RBFOX1: variants seen among roughly 807,000 people sequenced by gnomAD.
RBFOX1 encodes the protein RNA binding protein fox-1 homolog 1.
Under a neutral mutation model 57.7 loss-of-function variants are expected in RBFOX1, and 8 were observed. That is an observed-to-expected ratio of 0.14 (90% CI 0.08 to 0.25). The LOEUF is 0.25. Ranked by LOEUF, RBFOX1 falls within the 10% of genes least tolerant of loss-of-function variation. The pLI is 1.00. For missense variants in RBFOX1, 611 were observed against 548.5 expected, an observed-to-expected ratio of 1.11 and a Z score of -1.14; for synonymous variants, 326 against 222.4, an observed-to-expected ratio of 1.47 and a Z score of -4.15.
intron 14 of RBFOX1, among the ~76,000 whole-genome samples, chr16:7,704,617 T>TAGAC (rs1163963645): frequency 6.6e-6 from 1 of 152,122 alleles, no homozygotes; most frequent in African/African-American, 2.4e-5. Context: ...GCAGACAAAA[T>TAGAC]AGACACTGCC....
chr16:6,670,016 T>G (rs899764407), intron 3 of RBFOX1, among the ~76,000 whole-genome samples: 1 of 152,158 alleles, frequency 6.6e-6, no homozygotes, highest in African/African-American at 2.4e-5. Flanking sequence ...TGTCTATCTA[T>G]CTATCTGTCT....
chr16:6,429,225 C>A (rs917729527), intron 2 of RBFOX1, among the ~76,000 whole-genome samples: 3 of 152,176 alleles, frequency 2.0e-5, no homozygotes, highest in Admixed American at 1.3e-4. Flanking sequence ...GTGGAGAGAG[C>A]TTTGGTGGAG....
At chr16:7,566,134 G>A (rs758824989) in intron 5 of RBFOX1, among the ~76,000 whole-genome samples, 2 of 152,144 alleles carry the variant, frequency 1.3e-5, no homozygotes, top group African/African-American at 2.4e-5. Flanking sequence ...TCATATTCTC[G>A]TAAGCATTTG....
intron 3 of RBFOX1, among the ~76,000 whole-genome samples, chr16:6,815,547 C>T (rs1050906121): frequency 2.0e-5 from 3 of 152,172 alleles, no homozygotes; most frequent in Non-Finnish European, 4.4e-5. Context: ...GACATTATGC[C>T]AGTCTCTATC....
intron 2 of RBFOX1, among the ~76,000 whole-genome samples, chr16:6,407,540 G>GGT (rs71406372): frequency 3.0e-4 from 16 of 53,894 alleles, no homozygotes; most frequent in Non-Finnish European, 4.5e-4. Flanking sequence ...GAAGGAGAGG[G>GGT]GTGTGTGTGT....
intron 3 of RBFOX1, among the ~76,000 whole-genome samples, chr16:6,941,300 C>CTCCCTCCTTCCTTCCT (rs1555654057): frequency 7.1e-4 from 56 of 79,208 alleles, no homozygotes; most frequent in African/African-American, 2.7e-3. Flanking sequence ...CCCTCCCTCC[C>CTCCCTCCTTCCTTCCT]TCCTTCCTTC....
chr16:6,030,486 C>A (rs1035008175), intron 1 of RBFOX1, among the ~76,000 whole-genome samples: 3 of 152,146 alleles, frequency 2.0e-5, no homozygotes, highest in Non-Finnish European at 4.4e-5. Context: ...TTTCTCTACC[C>A]TTCCATTTTA....
chr16:7,367,141 A>G (rs1167787407), intron 4 of RBFOX1, among the ~76,000 whole-genome samples: 1 of 152,076 alleles, frequency 6.6e-6, no homozygotes, highest in Non-Finnish European at 1.5e-5. Flanking sequence ...GAGTTGGGAA[A>G]GATGGTCTCC....
At chr16:5,949,525 C>CAAAA (rs59221283) in intron 4 of RBFOX1, among the ~76,000 whole-genome samples, 1 of 32,280 alleles carries the variant, frequency 3.1e-5, no homozygotes, top group African/African-American at 1.3e-4. Context: ...GAGTCCATCT[C>CAAAA]AAAAAAAAAA....
At chr16:6,450,892 T>A (rs1443429977) in intron 2 of RBFOX1, among the ~76,000 whole-genome samples, 1 of 125,212 alleles carries the variant, frequency 8.0e-6, no homozygotes, top group Non-Finnish European at 1.6e-5. Context: ...GAAATATTGA[T>A]CTTCTCTTCT....
chr16:6,790,959 G>C (rs934968341), intron 3 of RBFOX1, among the ~76,000 whole-genome samples: 1 of 151,902 alleles, frequency 6.6e-6, no homozygotes, highest in Admixed American at 6.6e-5. Context: ...AGGTTGGAGT[G>C]CATTGGTATG....
chr16:5,976,075 C>T (rs560939063), intron 4 of RBFOX1, among the ~76,000 whole-genome samples: 19 of 151,972 alleles, frequency 1.3e-4, no homozygotes, highest in African/African-American at 2.4e-4. Context: ...ACCTGGGAGG[C>T]GGAGGTTGCA....
rs551378092 is a variant in RBFOX1, at chr16:5,733,917, C to G, written c.319-133386C>G. ...CTGAGGACATCTATTCTGCCCTACCCCACCCTTCATTTTCTCCATTTCCTT... is the reference window on the plus strand; with the variant it reads ...CTGAGGACATCTATTCTGCCCTACCGCACCCTTCATTTTCTCCATTTCCTT... On this transcript the variant is annotated intron_variant, in intron 3 of 19. Transcript: ENST00000641259. Among the ~76,000 whole-genome samples the G allele has an allele frequency of 1.8e-3, 278 of 152,180 alleles. 1 individual carries two copies. The highest frequency in any genetic ancestry group is 6.4e-3 in the African/African-American group (265 of 41,506).
intron 3 of RBFOX1, among the ~76,000 whole-genome samples, chr16:6,963,221 G>C (rs765847020): frequency 6.6e-6 from 1 of 152,062 alleles, no homozygotes; most frequent in Non-Finnish European, 1.5e-5. Context: ...TCTGTAAAGA[G>C]GTAGCATCAA....
At chr16:5,706,319 T>G (rs28378607) in intron 3 of RBFOX1, among the ~76,000 whole-genome samples, 2,068 of 152,306 alleles carry the variant, frequency 0.014, 49 homozygotes, top group African/African-American at 0.047. Flanking sequence ...ATGTAGCATG[T>G]CTGGAAGATG....
chr16:5,782,013 C>G (rs560703492), intron 3 of RBFOX1, among the ~76,000 whole-genome samples: 13 of 152,350 alleles, frequency 8.5e-5, no homozygotes, highest in African/African-American at 3.1e-4. Context: ...CAAGACCAGC[C>G]TGGGCCAACA....
intron 4 of RBFOX1, among the ~76,000 whole-genome samples, chr16:7,502,734 T>G (rs570469045): frequency 1.3e-5 from 2 of 152,232 alleles, no homozygotes; most frequent in African/African-American, 4.8e-5. Context: ...AAGAAATGAT[T>G]CTGAATTGGC....
intron 4 of RBFOX1, among the ~76,000 whole-genome samples, chr16:7,272,107 A>G (rs1056030342): frequency 6.6e-6 from 1 of 152,200 alleles, no homozygotes; most frequent in Non-Finnish European, 1.5e-5. Flanking sequence ...GTAAGACCCC[A>G]AATGCTCCTG....
chr16:7,528,473 T>C (rs535654032), intron 5 of RBFOX1, among the ~76,000 whole-genome samples: 18 of 152,308 alleles, frequency 1.2e-4, no homozygotes, highest in African/African-American at 4.3e-4. Context: ...TAAGCAATTT[T>C]ATTTTATTTA....
Sources: allele counts gnomAD v4.1 joint callset (sites outside exome capture counted in the v4.1 genomes callset), GRCh38; gene constraint gnomAD v4.1.1; transcripts MANE v1.5; gene names NCBI Gene and HGNC (gene_info 2026-07-23, HGNC 2026-07-21).